The following LMNTD1 variants were observed in gnomAD, a reference collection of about 807,000 sequenced individuals.
LMNTD1 encodes lamin tail domain-containing protein 1.
Under a neutral mutation model 50.9 loss-of-function variants are expected in LMNTD1, and 35 were observed. That is an observed-to-expected ratio of 0.69 (90% CI 0.53 to 0.91). LMNTD1 has a LOEUF of 0.91. LMNTD1 is among the 40% of genes least tolerant of loss of function. The pLI is 0.00. For missense variants in LMNTD1, 470 were observed against 475.5 expected (o/e 0.99, Z 0.11); for synonymous variants, 153 against 161.9 (o/e 0.94, Z 0.42).
At chr12:25,574,599 C>T (rs1332055969) in intron 1 of LMNTD1, among the ~76,000 whole-genome samples, 1 of 152,068 alleles carries the variant, frequency 6.6e-6, no homozygotes, top group Non-Finnish European at 1.5e-5. Flanking sequence ...CTGATTCTCC[C>T]CAAACTAGAA....
intron 9 of LMNTD1, among the ~76,000 whole-genome samples, chr12:25,501,287 A>C (rs578100428): frequency 2.0e-4 from 30 of 152,268 alleles, no homozygotes; most frequent in African/African-American, 6.3e-4. Context: ...CACTGTGCCC[A>C]GCCATGAGAT....
At chr12:25,574,479 C>A (rs1161400749) in intron 1 of LMNTD1, among the ~76,000 whole-genome samples, 3 of 152,064 alleles carry the variant, frequency 2.0e-5, no homozygotes, top group East Asian at 1.9e-4. Context: ...GAAATTAATA[C>A]CCATGTCATG....
Position 25,569,234 on chromosome 12 carries a change from G to A in LMNTD1, c.59-22680C>T, listed in dbSNP as rs147080413. On this transcript the variant is annotated intron_variant, in intron 1 of 7. Coordinates refer to the LMNTD1 transcript ENST00000445693. ...GGATGGAGGACATGGAGTCAAAGGA[G>A]ATTATTTTGGAGCTTTAAAATTTAA... is the stretch of plus-strand genomic sequence containing the variant. Among the ~76,000 whole-genome samples the A allele has an allele frequency of 7.4e-3, 1,129 of 152,344 alleles. 44 individuals are homozygous for A. Among genetic ancestry groups the A allele is most frequent in the Admixed American group, 0.055 (848 of 15,296 alleles).
intron 1 of LMNTD1, among the ~76,000 whole-genome samples, chr12:25,561,463 T>C (rs1269442917): frequency 1.3e-5 from 2 of 152,252 alleles, no homozygotes; most frequent in African/African-American, 2.4e-5. Flanking sequence ...TGAGTGAGTT[T>C]CTTAATCCTG....
chr12:25,590,408 C>G (rs1945660913), intron 1 of LMNTD1, among the ~76,000 whole-genome samples: 1 of 152,178 alleles, frequency 6.6e-6, no homozygotes, highest in Non-Finnish European at 1.5e-5. Context: ...TTGAGTTTCC[C>G]AAAGCCTTGC....
At chr12:25,488,899 A>T (rs1416527824) in intron 9 of LMNTD1, among the ~76,000 whole-genome samples, 1 of 152,128 alleles carries the variant, frequency 6.6e-6, no homozygotes, top group East Asian at 1.9e-4. Flanking sequence ...GTGAGGTGTC[A>T]GTGTGCCCCT....
intron 8 of LMNTD1, among the ~76,000 whole-genome samples, chr12:25,516,951 G>A (rs1018550900): frequency 2.6e-5 from 4 of 150,996 alleles, no homozygotes; most frequent in African/African-American, 9.7e-5. Flanking sequence ...AAAAACACAT[G>A]AAAAAATGCT....
At chr12:25,510,538 C>T (rs1045919170) in intron 8 of LMNTD1, among the ~76,000 whole-genome samples, 6 of 152,028 alleles carry the variant, frequency 3.9e-5, no homozygotes, top group African/African-American at 1.2e-4. Flanking sequence ...TCTGTCCCAA[C>T]CTCTCCATCA....
chr12:25,579,250 A>T (rs932945723), intron 1 of LMNTD1, among the ~76,000 whole-genome samples: 1 of 152,226 alleles, frequency 6.6e-6, no homozygotes, highest in African/African-American at 2.4e-5. Flanking sequence ...GAATAGTTGC[A>T]TCTGTACTGA....
chr12:25,560,739 C>A lies in LMNTD1; in HGVS notation c.59-14185G>T, dbSNP rs141401390. Among the ~76,000 whole-genome samples the A allele has an allele frequency of 4.6e-3, 698 of 150,962 alleles. 2 individuals are homozygous for A. Among genetic ancestry groups the A allele is most frequent in the Non-Finnish European group, 8.2e-3 (548 of 67,184 alleles). The stretch of plus-strand genomic sequence containing the variant: ...TTTCATTGAGCAGTGGTTTGTGTTT[C>A]TCCTTCACATCCCTTATAAGTTGGA... On this transcript the variant is annotated intron_variant, in intron 1 of 7. Transcript: ENST00000445693.
intron 1 of LMNTD1, among the ~76,000 whole-genome samples, chr12:25,560,351 G>A (rs1227398890): frequency 6.6e-6 from 1 of 152,156 alleles, no homozygotes; most frequent in East Asian, 1.9e-4. Context: ...TCAGATAGTT[G>A]TAGATATGTG....
intron 1 of LMNTD1, among the ~76,000 whole-genome samples, chr12:25,569,958 T>G (rs1944718919): frequency 6.6e-6 from 1 of 152,240 alleles, no homozygotes; most frequent in African/African-American, 2.4e-5. Flanking sequence ...ATATATGATG[T>G]ATTATTGTCT....
chr12:25,597,406 AAAG>A (rs529148741), intron 1 of LMNTD1, among the ~76,000 whole-genome samples: 2 of 152,148 alleles, frequency 1.3e-5, no homozygotes, highest in Non-Finnish European at 2.9e-5. Flanking sequence ...AAGAAGAGAC[AAAG>A]AAGGTCACTA....
intron 1 of LMNTD1, among the ~76,000 whole-genome samples, chr12:25,622,978 G>T (rs370656217): frequency 6.8e-6 from 1 of 147,170 alleles, no homozygotes; most frequent in Non-Finnish European, 1.5e-5. Context: ...ATAAGCTGGC[G>T]GACGACGGGG....
chr12:25,546,774 G>C (rs987790082), intron 3 of LMNTD1, among the ~76,000 whole-genome samples: 10 of 151,638 alleles, frequency 6.6e-5, no homozygotes, highest in Non-Finnish European at 1.3e-4. Context: ...AGTTCCTAAA[G>C]AGTATTTCAG....
intron 6 of LMNTD1, among the ~76,000 whole-genome samples, chr12:25,521,628 T>C (rs78896823): frequency 0.02 from 3,070 of 152,252 alleles, 80 homozygotes; most frequent in African/African-American, 0.058. Flanking sequence ...ACTGCTTTAT[T>C]GAAGTGTTGT....
At chr12:25,628,294 T>C (rs1283825779) in intron 1 of LMNTD1, among the ~76,000 whole-genome samples, 13 of 146,302 alleles carry the variant, frequency 8.9e-5, no homozygotes, top group African/African-American at 3.0e-4. Flanking sequence ...AATTCATAAA[T>C]AATATGGATT....
At chr12:25,512,862 T>TA (rs1555211444) in intron 8 of LMNTD1, among the ~76,000 whole-genome samples, 6 of 132,972 alleles carry the variant, frequency 4.5e-5, no homozygotes, top group African/African-American at 1.2e-4. Context: ...ATTTTTTTTT[T>TA]ATGGGGGGGG....
chr12:25,503,411 T>C (rs144609363), intron 9 of LMNTD1, among the ~76,000 whole-genome samples: 1 of 152,298 alleles, frequency 6.6e-6, no homozygotes, highest in East Asian at 1.9e-4. Flanking sequence ...TGTACTGGTG[T>C]AGTTGCAGAG....
Sources: gnomAD v4.1 joint callset for allele counts (sites outside exome capture counted in the v4.1 genomes callset) on GRCh38, gnomAD v4.1.1 for gene constraint, MANE v1.5 for transcripts, NCBI Gene and HGNC (gene_info 2026-07-23, HGNC 2026-07-21) for gene names.